Variants in RHBDD1 observed in about 807,000 individuals in gnomAD.
RHBDD1 encodes rhomboid-related protein 4.
In RHBDD1, 38 loss-of-function variants were observed where a neutral mutation model predicts 36.3. The ratio of observed to expected loss-of-function variants is 1.05; its 90% CI spans 0.81 to 1.37. RHBDD1 has a LOEUF of 1.37. Among genes scored for constraint, RHBDD1 ranks in the 40% most tolerant of loss-of-function variants. The pLI, the probability that RHBDD1 is intolerant of heterozygous loss-of-function variation, is 0.00. For missense variants in RHBDD1, 393 were observed against 377.6 expected, an observed-to-expected ratio of 1.04 and a Z score of -0.34; for synonymous variants, 151 against 136.5, an observed-to-expected ratio of 1.11 and a Z score of -0.74.
At chr2:226,901,456 C>A (rs1947586553) in intron 5 of RHBDD1, among the ~76,000 whole-genome samples, 1 of 152,186 alleles carries the variant, frequency 6.6e-6, no homozygotes, top group African/African-American at 2.4e-5. Flanking sequence ...TAAGGAACCT[C>A]TGTATTGTTT....
the RHBDD1 span, chr2:226,807,386 T>A: frequency 6.6e-6 from 1 of 152,354 alleles, no homozygotes; most frequent in Middle Eastern, 3.4e-3. Flanking sequence ...GGAATTTAAA[T>A]TATTAGTTTT....
chr2:226,881,568 G>C lies in RHBDD1; in HGVS notation c.566+14250G>C, dbSNP rs555183067. Among the ~76,000 whole-genome samples the C allele has an allele frequency of 2.6e-5, 4 of 152,258 alleles. No homozygotes were observed. The South Asian group carries it at 8.3e-4, about 32-fold the overall frequency. On this transcript the variant is annotated intron_variant, in intron 5 of 8. Transcript: ENST00000392062. ...GTCAGAGCATTATTGGTAGGTCTTG[G>C]CTCCCAGGTCCGAGTATGTCATTGG...
chr2:226,816,391 A>G, the RHBDD1 span, among the ~76,000 whole-genome samples: 689 of 151,306 alleles, frequency 4.6e-3, 3 homozygotes, highest in Non-Finnish European at 5.5e-3. Flanking sequence ...AAAAAAAAAA[A>G]AAAAAGAAAA....
At chr2:226,805,158 T>C in the RHBDD1 span, 1 of 152,242 alleles carries the variant, frequency 6.6e-6, no homozygotes, top group East Asian at 1.9e-4. Flanking sequence ...ATGCCACTAA[T>C]GTTTTTGGTC....
chr2:226,878,780 A>G (rs1044455554), intron 5 of RHBDD1, among the ~76,000 whole-genome samples: 9 of 152,214 alleles, frequency 5.9e-5, no homozygotes, highest in Admixed American at 3.3e-4. Context: ...TGGTCCCACT[A>G]GATTTGGGGA....
In RHBDD1 at chr2:226,997,136, T is replaced by C. The variant is rs1959582148; in HGVS notation, c.*1614T>C. On this transcript the variant is annotated 3_prime_UTR_variant, in exon 9 of 9. Transcript: ENST00000392062. ...AACCACTGGAGCCTTGGGAGCTCTT[T>C]GGCCTCCTGGCTGGCCCAGTAATAT... 6.6e-6 allele frequency: 1 copy of C among 152,250 alleles called. No individual in the cohort carries two copies. Among genetic ancestry groups the C allele is most frequent in the African/African-American group, 2.4e-5 (1 of 41,458 alleles). 9.4% of individuals were successfully genotyped at this position (152,250 alleles called of 1,614,324 possible). A position where few individuals can be genotyped will look rare whatever the true frequency, so the allele number is the denominator to read the frequency against.
chr2:226,829,756 T>C, the RHBDD1 span, among the ~76,000 whole-genome samples: 1 of 152,208 alleles, frequency 6.6e-6, no homozygotes, highest in South Asian at 2.1e-4. Context: ...CGTGTGTATG[T>C]ATGTGTGTAT....
At chr2:226,857,172 A>G (rs541425823) in intron 3 of RHBDD1, among the ~76,000 whole-genome samples, 1 of 152,048 alleles carries the variant, frequency 6.6e-6, no homozygotes, top group East Asian at 1.9e-4. Flanking sequence ...TTTATATTGT[A>G]TTTTAAGCAA....
At chr2:226,897,092 G>A (rs563177269) in intron 5 of RHBDD1, among the ~76,000 whole-genome samples, 98 of 152,262 alleles carry the variant, frequency 6.4e-4, no homozygotes, top group African/African-American at 2.2e-3. Context: ...GTGAGCCATC[G>A]TGCCTGGCCA....
intron 8 of RHBDD1, among the ~76,000 whole-genome samples, chr2:226,977,910 A>G (rs999770210): frequency 6.6e-6 from 1 of 152,244 alleles, no homozygotes; most frequent in African/African-American, 2.4e-5. Flanking sequence ...AATTTGAACA[A>G]TGTGGTTTTA....
At chr2:226,947,879 A>G (rs1358964723) in intron 8 of RHBDD1, among the ~76,000 whole-genome samples, 1 of 152,152 alleles carries the variant, frequency 6.6e-6, no homozygotes, top group Non-Finnish European at 1.5e-5. Context: ...ACCATCTCAC[A>G]CCAGTTAGAA....
Position 226,957,175 on chromosome 2 carries a change from G to A in RHBDD1, c.857-38256G>A, listed in dbSNP as rs140488183. On this transcript the variant is annotated intron_variant, in intron 8 of 8. Coordinates refer to ENST00000392062, the MANE Select transcript of RHBDD1 (RefSeq NM_001167608.3). ...TTAAGCACAAATAACCAAAGGGCCC[G>A]ATGTGAAGGCACATAAAGTACTTGA... Among the ~76,000 whole-genome samples, 165 of 152,272 alleles carry A rather than the reference G, an allele frequency of 1.1e-3. 1 individual carries two copies. Among genetic ancestry groups the A allele is most frequent in the African/African-American group, 3.6e-3 (150 of 41,560 alleles).
At chr2:226,800,642 C>G in the RHBDD1 span, among the ~76,000 whole-genome samples, 9 of 152,158 alleles carry the variant, frequency 5.9e-5, no homozygotes, top group Non-Finnish European at 1.5e-5. Context: ...TGAGAGGTCC[C>G]TTATCATATT....
intron 8 of RHBDD1, among the ~76,000 whole-genome samples, chr2:226,934,840 C>A (rs1950239250): frequency 6.7e-6 from 1 of 149,104 alleles, no homozygotes; most frequent in African/African-American, 2.5e-5. Flanking sequence ...TCCCTCTGTG[C>A]ATAATTTATG....
chr2:226,994,977 T>G (rs13398103), intron 8 of RHBDD1, among the ~76,000 whole-genome samples: 49,436 of 151,874 alleles, frequency 0.33, 9,075 homozygotes, highest in South Asian at 0.48. Flanking sequence ...TTGGCCACAT[T>G]GGGGCAGGAG....
chr2:226,938,257 A>C (rs928315229), intron 8 of RHBDD1, among the ~76,000 whole-genome samples: 2 of 152,060 alleles, frequency 1.3e-5, no homozygotes, highest in African/African-American at 4.8e-5. Context: ...GTGTCTTTTC[A>C]TGTCCTTTGC....
chr2:226,939,453 A>G (rs1397976320), intron 8 of RHBDD1, among the ~76,000 whole-genome samples: 1 of 152,194 alleles, frequency 6.6e-6, no homozygotes, highest in Non-Finnish European at 1.5e-5. Context: ...CAATGTGCAC[A>G]AATTGCTAGC....
At position 226,906,369 on chromosome 2, in the gene RHBDD1, C is replaced by G. The variant is rs551624755; in HGVS notation, c.567-424C>G. On this transcript the variant is annotated intron_variant, in intron 5 of 8. Coordinates refer to ENST00000392062, the MANE Select transcript of RHBDD1 (RefSeq NM_001167608.3). ...GGTGTAGAAAACTGCAGCAGTCTGCCCTGCCATAACACAGATAGACATCAT... is the reference window on the plus strand; with the variant it reads ...GGTGTAGAAAACTGCAGCAGTCTGCGCTGCCATAACACAGATAGACATCAT... Among the ~76,000 whole-genome samples, 39 of 152,188 alleles carry G rather than the reference C, an allele frequency of 2.6e-4. 1 individual carries two copies. Among genetic ancestry groups the G allele is most frequent in the Admixed American group, 2.4e-3 (36 of 15,296 alleles).
chr2:226,843,475 A>G (rs1285807098), intron 3 of RHBDD1, among the ~76,000 whole-genome samples: 1 of 152,194 alleles, frequency 6.6e-6, no homozygotes. Context: ...AGTTTTTAAC[A>G]TGAAGGGATG....
Sources: allele counts gnomAD v4.1 joint callset (sites outside exome capture counted in the v4.1 genomes callset), GRCh38; gene constraint gnomAD v4.1.1; transcripts MANE v1.5; gene names NCBI Gene and HGNC (gene_info 2026-07-23, HGNC 2026-07-21).